Variants in CUL9 observed in about 807,000 individuals in gnomAD.
CUL9 encodes cullin-9.
A neutral mutation model predicts 272.6 loss-of-function variants in CUL9; 79 were observed. That is an observed-to-expected ratio of 0.29 (90% CI 0.24 to 0.35). CUL9 has a LOEUF of 0.35. CUL9 is among the 10% of genes least tolerant of loss of function. The probability of loss-of-function intolerance (pLI) is 1.00; values close to 1 mark genes in which losing one functional copy is unlikely to be tolerated. For missense variants in CUL9, 2,532 were observed against 3,255.6 expected, an observed-to-expected ratio of 0.78 and a Z score of 5.41; for synonymous variants, 1,186 against 1,286.5, an observed-to-expected ratio of 0.92 and a Z score of 1.67.
Position 43,221,763 on chromosome 6 carries a change from C to T in CUL9, c.6831C>T (p.Tyr2277=), listed in dbSNP as rs747018922. 1.9e-6 allele frequency: 3 copies of T among 1,612,764 alleles called. No individual in the cohort carries two copies. The highest frequency in any genetic ancestry group is 1.1e-5 in the South Asian group (1 of 91,050). Residue 2277 remains tyrosine (Y), a synonymous_variant, in exon 35 of 41, where the codon TAC becomes TAT. Coordinates refer to ENST00000252050, the MANE Select transcript of CUL9 (RefSeq NM_015089.4). The surrounding 1 kb of genome is among the most constrained non-coding windows in gnomAD (Gnocchi z 4.2). The part of the protein sequence containing the change: ...KSWKPNHKDY[Y]NCSAMVSKAA... ...GGAAGCCAAATCACAAAGACTATTACAACTGCTCTGCCATGGTAAGGCGCT... is the reference window on the plus strand; with the variant it reads ...GGAAGCCAAATCACAAAGACTATTATAACTGCTCTGCCATGGTAAGGCGCT...
Position 43,203,832 on chromosome 6 carries a change from G to A in CUL9, c.4026-22G>A, listed in dbSNP as rs141237741. 31 of 1,593,426 alleles carry A rather than the reference G, an allele frequency of 1.9e-5. No homozygotes were observed. The highest frequency in any genetic ancestry group is 6.8e-5 in the Admixed American group (4 of 58,656). On this transcript the variant is annotated intron_variant, in intron 19 of 40. Transcript: ENST00000252050. This position sits in a 1 kb window ranked among gnomAD's most constrained non-coding sequence, Gnocchi z 5.0. ...GGGAAATCGGTGCCATTAATCCTCC[G>A]CCATGCACTGTTTGTTCCCAGACTG...
At chr6:43,205,491 T>C in intron 24 of CUL9, 68 bp downstream of exon 24, 2 of 1,540,758 alleles carry the variant, frequency 1.3e-6, no homozygotes, top group South Asian at 1.1e-5. Context: ...ATTTGAGTCT[T>C]ATAGGGGAGA....
chr6:43,193,294 T>C (rs1237457057), intron 9 of CUL9, 86 bp downstream of exon 9: 2 of 1,179,396 alleles, frequency 1.7e-6, no homozygotes, highest in Admixed American at 1.8e-5. Flanking sequence ...ACTTTGGTGC[T>C]TCAGATCAGT....
At chr6:43,190,075 G>A (rs1174632411) in intron 8 of CUL9, among the ~76,000 whole-genome samples, 1 of 151,776 alleles carries the variant, frequency 6.6e-6, no homozygotes, top group East Asian at 1.9e-4. Flanking sequence ...AGTCTGGGTG[G>A]AGCTGCCTCA....
rs546632381 is a variant in CUL9, at chr6:43,196,198, C to T, written c.2518C>T (p.Arg840Cys). ...CTTCGCCAGCATCGACTCAGCCACA[C>T]GCCCGGGCTCTGAGAGCCTGCTCCT... ...EIFASIDSATRPGSESLLLTV... is the reference protein window; with the variant it reads ...EIFASIDSATCPGSESLLLTV... The change falls in exon 10 of 41, where the codon CGC becomes TGC. Residue 840 changes from arginine (R) to cysteine (C), a missense_variant. Coordinates refer to ENST00000252050, the MANE Select transcript of CUL9 (RefSeq NM_015089.4). The T allele has an allele frequency of 2.5e-6, 4 of 1,614,182 alleles. No individual in the cohort carries two copies. The highest frequency in any genetic ancestry group is 2.2e-5 in the South Asian group (2 of 91,082).
rs760064684 is a variant in CUL9 at position 43,222,533 on chromosome 6, G to C, written c.6924G>C (p.Glu2308Asp). 6 of 1,613,986 alleles carry C rather than the reference G, an allele frequency of 3.7e-6. No individual in the cohort carries two copies. In the Admixed American group the frequency reaches 5.0e-5, roughly 13 times the overall value. Residue 2308 changes from glutamate to aspartate, a missense_variant and splice_region_variant, in exon 37 of 41, where the codon GAG (glutamate) becomes GAC (aspartate). By Grantham distance (45) the Glu-to-Asp change is conservative. Coordinates refer to ENST00000252050, the MANE Select transcript of CUL9 (RefSeq NM_015089.4). Reference sequence around the variant, plus strand: ...CTGATACACCTTCCTCCACACAGGAGTTTGCTGTGAACTTGCGGAACCGGG... The same window carrying C: ...CTGATACACCTTCCTCCACACAGGACTTTGCTGTGAACTTGCGGAACCGGG... The part of the protein sequence containing the change: ...ERCTFHHQAR[E>D]FAVNLRNRVS...
At position 43,224,195 on chromosome 6, in the gene CUL9, G is replaced by A; in HGVS notation, c.7358+27G>A. The A allele has an allele frequency of 4.3e-6, 7 of 1,614,200 alleles. No individual in the cohort carries two copies. Among genetic ancestry groups the A allele is most frequent in the Non-Finnish European group, 5.9e-6 (7 of 1,179,996 alleles). On this transcript the variant is annotated intron_variant, in intron 40 of 40. Transcript: ENST00000252050. The surrounding 1 kb of genome is among the most constrained non-coding windows in gnomAD (Gnocchi z 4.2). The stretch of plus-strand genomic sequence containing the variant: ...TAAGTGGGGTGGGCAGAGCCATGGA[G>A]GAGGCAGTGGGACATGGCAGCCTCC...
At chr6:43,212,287 T>C (rs1775573764) in intron 26 of CUL9, among the ~76,000 whole-genome samples, 1 of 152,240 alleles carries the variant, frequency 6.6e-6, no homozygotes, top group African/African-American at 2.4e-5. Context: ...GTGTCAGTCT[T>C]GTCTATACAT....
intron 26 of CUL9, among the ~76,000 whole-genome samples, chr6:43,211,679 T>G (rs571922441): frequency 3.9e-5 from 6 of 152,332 alleles, no homozygotes; most frequent in African/African-American, 1.4e-4. Context: ...ATTGTAAATT[T>G]CAAGCATATA....
At chr6:43,194,808 C>A (rs1422500025) in intron 9 of CUL9, among the ~76,000 whole-genome samples, 1 of 152,136 alleles carries the variant, frequency 6.6e-6, no homozygotes. Flanking sequence ...GTAATCCCAG[C>A]ACTTTGGGAG....
chr6:43,205,494 A>G (rs886080340), intron 24 of CUL9, 71 bp downstream of exon 24: 1 of 1,527,918 alleles, frequency 6.5e-7, no homozygotes, highest in Non-Finnish European at 9.0e-7. Flanking sequence ...TGAGTCTTAT[A>G]GGGGAGATGA....
chr6:43,202,988 C>T (rs1774735694), intron 17 of CUL9, 121 bp from the exon 18 acceptor site: 12 of 1,245,668 alleles, frequency 9.6e-6, no homozygotes, highest in Non-Finnish European at 1.3e-5. Context: ...CACGTCCATC[C>T]CTAGGCTCTG....
chr6:43,208,356 C>A (rs1238008857), intron 26 of CUL9, among the ~76,000 whole-genome samples: 1 of 152,184 alleles, frequency 6.6e-6, no homozygotes, highest in South Asian at 2.1e-4. Flanking sequence ...CAGGTGTGCA[C>A]CACTATGCCT....
Position 43,198,642 on chromosome 6 carries a change from G to T in CUL9, c.2837G>T (p.Gly946Val), listed in dbSNP as rs1205726748. Residue 946 changes from glycine (G) to valine (V), a missense_variant, in exon 12 of 41, where the codon GGG (glycine) becomes GTG (valine). Gly to Val is a moderately radical substitution (Grantham distance 109). Around this residue, in one of 3 missense-constraint regions of CUL9, gnomAD observed 2,218 missense variants for 2,788.6 expected, o/e 0.80. Transcript: ENST00000252050. ...ACCCCCATCATCCAGGGTCAGGATG[G>T]GTCCCCTGAGCTACTGATTCGATCC... is the stretch of plus-strand genomic sequence containing the variant. Reference protein sequence around the residue: ...LETPIIQGQDGSPELLIRSLV... With the variant: ...LETPIIQGQDVSPELLIRSLV... 3 of 1,614,120 alleles carry T rather than the reference G, an allele frequency of 1.9e-6. No individual in the cohort carries two copies. The highest frequency in any genetic ancestry group is 2.5e-6 in the Non-Finnish European group (3 of 1,180,018).
chr6:43,214,678 G>A (rs1026311138), intron 29 of CUL9, among the ~76,000 whole-genome samples: 48 of 152,094 alleles, frequency 3.2e-4, no homozygotes, highest in African/African-American at 1.1e-3. Flanking sequence ...GTGCACACTT[G>A]TAGTCCCAGT....
rs745430328 is a variant in CUL9 at position 43,213,403 on chromosome 6, C to G, written c.5359-35C>G. 1 of 1,612,506 alleles carries G rather than the reference C, an allele frequency of 6.2e-7. No homozygotes were observed. Among genetic ancestry groups the G allele is most frequent in the Non-Finnish European group, 8.5e-7 (1 of 1,178,794 alleles). ...CCTTACTCCCCTCTTCCTTTTCTTT[C>G]CTTTGACTCCTGACTGGGCGTTTCT... On this transcript the variant is annotated intron_variant, in intron 27 of 40. Transcript: ENST00000252050. This position sits in a 1 kb window ranked among gnomAD's most constrained non-coding sequence, Gnocchi z 5.7.
At chr6:43,198,252 A>G in intron 11 of CUL9, 1 of 985,136 alleles carries the variant, frequency 1.0e-6, no homozygotes, top group Non-Finnish European at 1.2e-6. Flanking sequence ...CAAAATAGGA[A>G]ATATGTATGT....
In CUL9 at chr6:43,215,891, T is replaced by C. The variant is rs111831418; in HGVS notation, c.5937-267T>C. On this transcript the variant is annotated intron_variant, in intron 30 of 40. Coordinates refer to ENST00000252050, the MANE Select transcript of CUL9 (RefSeq NM_015089.4). Reference sequence around the variant, plus strand: ...TTTGGGGTGAGACCTACAGTGGGACTGTCCCATCAGCTATTGGTCTCTTAG... The same window carrying C: ...TTTGGGGTGAGACCTACAGTGGGACCGTCCCATCAGCTATTGGTCTCTTAG... 2.8e-3 allele frequency among the ~76,000 whole-genome samples: 431 copies of C among 152,344 alleles called. 1 individual carries two copies. Among genetic ancestry groups the C allele is most frequent in the African/African-American group, 9.0e-3 (374 of 41,578 alleles).
Position 43,183,692 on chromosome 6 carries a change from CCCTTCCTTCCTTTCTT to C in CUL9, c.-9-597_-9-582del, listed in dbSNP as rs1772633697. ...GTTTTAATTCTCTTTTTGTAAACTC[CCCTTCCTTCCTTTCTT>C]CCTTCCTTCCTTCCTTCCTTCCTTC... On this transcript the variant is annotated intron_variant, in intron 1 of 40. Coordinates refer to ENST00000252050, the MANE Select transcript of CUL9 (RefSeq NM_015089.4). 2.0e-5 allele frequency among the ~76,000 whole-genome samples: 3 copies of C among 149,556 alleles called. 1 individual carries two copies. The South Asian group carries it at 6.4e-4, about 32-fold the overall frequency.
Sources: allele counts gnomAD v4.1 joint callset (sites outside exome capture counted in the v4.1 genomes callset), GRCh38; gene constraint gnomAD v4.1.1; regional missense constraint gnomAD v4.1.1; non-coding constraint Gnocchi (gnomAD v3.1); transcripts MANE v1.5; gene names NCBI Gene and HGNC (gene_info 2026-07-23, HGNC 2026-07-21).